GREB1L: variants seen among roughly 807,000 people sequenced by gnomAD.
GREB1L encodes GREB1-like protein.
A neutral mutation model predicts 200.8 loss-of-function variants in GREB1L; 17 were observed. The observed-to-expected ratio is 0.08, with a 90% CI of 0.06 to 0.13. The LOEUF is 0.13. GREB1L is among the 10% of genes least tolerant of loss of function. The probability of loss-of-function intolerance (pLI) is 1.00; values close to 1 mark genes in which losing one functional copy is unlikely to be tolerated. For missense variants in GREB1L, 1,657 were observed against 2,367.7 expected, an observed-to-expected ratio of 0.70 and a Z score of 6.23; for synonymous variants, 789 against 893.0, an observed-to-expected ratio of 0.88 and a Z score of 2.08.
chr18:21,269,519 A>G (rs2038045006), intron 1 of GREB1L, among the ~76,000 whole-genome samples: 1 of 152,200 alleles, frequency 6.6e-6, no homozygotes, highest in Non-Finnish European at 1.5e-5. Flanking sequence ...ATACAAGATA[A>G]CAACTTAATG....
At chr18:21,474,858 C>A (rs1356348250) in intron 16 of GREB1L, among the ~76,000 whole-genome samples, 3 of 152,166 alleles carry the variant, frequency 2.0e-5, no homozygotes, top group Non-Finnish European at 4.4e-5. Context: ...ATGCAAATTT[C>A]TCCAGCCAGA....
chr18:21,384,465 A>G (rs1598732992), intron 4 of GREB1L, 62 bp downstream of exon 4: 2 of 1,317,680 alleles, frequency 1.5e-6, no homozygotes, highest in Non-Finnish European at 2.1e-6. Flanking sequence ...ACATATTTCT[A>G]ATTATTACAT....
chr18:21,307,066 A>C (rs2038712411), intron 1 of GREB1L, among the ~76,000 whole-genome samples: 1 of 152,242 alleles, frequency 6.6e-6, no homozygotes. Flanking sequence ...AAAGTAGCAG[A>C]CTTCAAAGTT....
chr18:21,297,304 G>T (rs1467505535), intron 1 of GREB1L, among the ~76,000 whole-genome samples: 1 of 152,160 alleles, frequency 6.6e-6, no homozygotes, highest in Admixed American at 6.5e-5. Flanking sequence ...AATTACAGGT[G>T]TGCAGTGATA....
intron 1 of GREB1L, among the ~76,000 whole-genome samples, chr18:21,269,543 G>A (rs1170582854): frequency 6.6e-6 from 1 of 152,064 alleles, no homozygotes; most frequent in Non-Finnish European, 1.5e-5. Context: ...TAGGCAACAA[G>A]TGCTTTCTGC....
chr18:21,412,265 T>C (rs1354348589), intron 7 of GREB1L, among the ~76,000 whole-genome samples: 4 of 151,366 alleles, frequency 2.6e-5, no homozygotes, highest in Non-Finnish European at 5.9e-5. Context: ...AATTAAAAAT[T>C]AGCAACGTGT....
intron 1 of GREB1L, among the ~76,000 whole-genome samples, chr18:21,349,299 T>G (rs2039399608): frequency 6.6e-6 from 1 of 152,212 alleles, no homozygotes. Context: ...ATTTAGTGTA[T>G]AAGTCTCCTT....
At chr18:21,264,384 C>T (rs2037935113) in intron 1 of GREB1L, among the ~76,000 whole-genome samples, 1 of 152,000 alleles carries the variant, frequency 6.6e-6, no homozygotes, top group Non-Finnish European at 1.5e-5. Context: ...CTTTAATCTA[C>T]TCCTTACTCT....
intron 1 of GREB1L, among the ~76,000 whole-genome samples, chr18:21,282,929 A>C (rs1238115500): frequency 6.6e-6 from 1 of 152,214 alleles, no homozygotes; most frequent in Non-Finnish European, 1.5e-5. Flanking sequence ...AACCTAATGC[A>C]TAGTACTTCA....
rs76359859 is a variant in GREB1L, at chr18:21,346,245, A to T, written c.-119-19782A>T. The stretch of plus-strand genomic sequence containing the variant: ...ATCCCACCCTCTGTAACCCTCCCAT[A>T]ACTGCACCCACACAGGCTATCATGA... On this transcript the variant is annotated intron_variant, in intron 1 of 32. Transcript: ENST00000424526. Among the ~76,000 whole-genome samples the T allele has an allele frequency of 8.0e-3, 1,219 of 152,076 alleles. 20 individuals carry two copies. Among genetic ancestry groups the T allele is most frequent in the African/African-American group, 0.027 (1,106 of 41,476 alleles).
At chr18:21,386,428 T>C (rs2040542616) in intron 4 of GREB1L, among the ~76,000 whole-genome samples, 1 of 151,970 alleles carries the variant, frequency 6.6e-6, no homozygotes, top group African/African-American at 2.4e-5. Context: ...GTAGCTGGGA[T>C]AACAGGTGCC....
intron 7 of GREB1L, among the ~76,000 whole-genome samples, chr18:21,408,655 G>A (rs2030575120): frequency 6.6e-6 from 1 of 152,040 alleles, no homozygotes; most frequent in Admixed American, 6.6e-5. Flanking sequence ...TTAGCCAGGT[G>A]TGGTGGTGCA....
intron 15 of GREB1L, among the ~76,000 whole-genome samples, chr18:21,462,842 A>C (rs2035101778): frequency 6.6e-6 from 1 of 152,224 alleles, no homozygotes; most frequent in African/African-American, 2.4e-5. Flanking sequence ...ATATATTCAA[A>C]AATAAAATAA....
chr18:21,378,881 T>C (rs2040186421), intron 2 of GREB1L, among the ~76,000 whole-genome samples: 1 of 151,536 alleles, frequency 6.6e-6, no homozygotes, highest in Non-Finnish European at 1.5e-5. Flanking sequence ...GTTTTTTTTT[T>C]CGGGGGGGGA....
rs906742660 is a variant in GREB1L, at chr18:21,525,782, A to T, written c.*2961A>T. Among the ~76,000 whole-genome samples, 2 of 152,210 alleles carry T rather than the reference A, an allele frequency of 1.3e-5. No individual in the cohort carries two copies. The highest frequency in any genetic ancestry group is 4.8e-5 in the African/African-American group (2 of 41,466). ...AGTATGAATTATATCTTCTTAAAAA[A>T]TTTTACCAACTTTTGAGAATAACAA... On this transcript the variant is annotated 3_prime_UTR_variant, in exon 33 of 33. Transcript: ENST00000424526.
intron 1 of GREB1L, among the ~76,000 whole-genome samples, chr18:21,349,041 G>A (rs2039395987): frequency 6.6e-6 from 1 of 152,154 alleles, no homozygotes; most frequent in Non-Finnish European, 1.5e-5. Flanking sequence ...CTCACATCCT[G>A]AAGTCAAGTC....
At position 21,420,912 on chromosome 18, in the gene GREB1L, T is replaced by C. The variant is rs556763480; in HGVS notation, c.832+16918T>C. ...AGTCTATAACAGGTGAATGGATAAA[T>C]AAATTGATATATCCAAACAGTAATG... On this transcript the variant is annotated intron_variant, in intron 7 of 32. Transcript: ENST00000424526. Among the ~76,000 whole-genome samples, 14 of 152,242 alleles carry C rather than the reference T, an allele frequency of 9.2e-5. No individual in the cohort carries two copies. The South Asian group carries it at 2.9e-3, about 32-fold the overall frequency.
chr18:21,428,332 C>CTTTTTTTTTTTTTTT (rs59982674), intron 7 of GREB1L, among the ~76,000 whole-genome samples: 38 of 54,032 alleles, frequency 7.0e-4, no homozygotes, highest in Non-Finnish European at 1.1e-3. Context: ...GTCTTTTTGT[C>CTTTTTTTTTTTTTTT]TTTTTTTTTT....
At chr18:21,496,310 A>G in intron 20 of GREB1L, 144 bp from the exon 21 acceptor site, 1 of 777,474 alleles carries the variant, frequency 1.3e-6, no homozygotes, top group Non-Finnish European at 2.1e-6. Context: ...GGGAGGTGGC[A>G]GAGCTGAGGT....
Sources: allele counts gnomAD v4.1 joint callset (sites outside exome capture counted in the v4.1 genomes callset), GRCh38; gene constraint gnomAD v4.1.1; transcripts MANE v1.5; gene names NCBI Gene and HGNC (gene_info 2026-07-23, HGNC 2026-07-21).